Variants in NKAIN3 observed in about 807,000 individuals in gnomAD.
NKAIN3 encodes sodium/potassium transporting ATPase interacting 3.
Under a neutral mutation model 30.2 loss-of-function variants are expected in NKAIN3, and 25 were observed. The ratio of observed to expected loss-of-function variants is 0.83; its 90% confidence interval spans 0.60 to 1.16. The LOEUF (loss-of-function observed/expected upper bound fraction) is 1.16. NKAIN3 is among the 50% of genes most tolerant of loss of function. NKAIN3 has a pLI of 0.00. For synonymous variants in NKAIN3, 91 were observed against 89.6 expected (o/e 1.02, Z -0.09); for missense variants, 225 against 254.1 (o/e 0.89, Z 0.78).
In NKAIN3 at chr8:62,249,039, C is replaced by G. The variant is rs760695550; in HGVS notation, c.-35C>G. ...CAGCAGCGGCGGAGGACGAGGATCT[C>G]TGGCAGTCAGCGCCGCTCGGACGCC... On this transcript the variant is annotated 5_prime_UTR_variant, in exon 1 of 7. Coordinates refer to ENST00000623646, the MANE Select transcript of NKAIN3 (RefSeq NM_001304533.3). 3.9e-6 allele frequency: 6 copies of G among 1,525,504 alleles called. No homozygotes were observed. In the African/African-American group the frequency reaches 5.7e-5, roughly 14 times the overall value. The allele number at this position is 1,525,504 out of a possible 1,614,324, so 94.5% of individuals were successfully genotyped here.
Position 62,448,015 on chromosome 8 carries a change from C to T in NKAIN3, c.55-131524C>T, listed in dbSNP as rs1258744636. Among the ~76,000 whole-genome samples, 4 of 151,972 alleles carry T rather than the reference C, an allele frequency of 2.6e-5. No individual in the cohort carries two copies. The South Asian group carries it at 8.3e-4, about 32-fold the overall frequency. On this transcript the variant is annotated intron_variant, in intron 1 of 6. Transcript: ENST00000623646. ...ACTGCGCCAAAGGAAAGGAAATCAC[C>T]TTGATAAATCAACATAAGGGAGAAA...
intron 1 of NKAIN3, among the ~76,000 whole-genome samples, chr8:62,548,702 C>G (rs1394201320): frequency 8.3e-6 from 1 of 120,552 alleles, no homozygotes; most frequent in Non-Finnish European, 1.8e-5. Context: ...TAAAAAAGAG[C>G]TGGATATAAT....
chr8:62,445,702 C>G (rs187327832), intron 1 of NKAIN3, among the ~76,000 whole-genome samples: 367 of 152,198 alleles, frequency 2.4e-3, no homozygotes, highest in Non-Finnish European at 4.0e-3. Context: ...TGTCCTCACT[C>G]CTTGTTCTCC....
intron 4 of NKAIN3, among the ~76,000 whole-genome samples, chr8:62,821,945 G>A (rs1178017097): frequency 6.7e-6 from 1 of 150,112 alleles, no homozygotes; most frequent in Non-Finnish European, 1.5e-5. Context: ...TGTACTTTTC[G>A]ATGCAATGTT....
At chr8:62,741,358 A>AGAAAGAAGGAAGGAAGGAAGGAAGGAAG (rs1369919798) in intron 3 of NKAIN3, among the ~76,000 whole-genome samples, 1 of 120,938 alleles carries the variant, frequency 8.3e-6, no homozygotes, top group African/African-American at 3.4e-5. Context: ...AGAAAGAGAG[A>AGAAAGAAGGAAGGAAGGAAGGAAGGAAG]GAAAGAAGGA....
At chr8:62,826,540 A>C (rs1163029238) in intron 4 of NKAIN3, among the ~76,000 whole-genome samples, 1 of 152,194 alleles carries the variant, frequency 6.6e-6, no homozygotes, top group Non-Finnish European at 1.5e-5. Context: ...CCCACGTAAA[A>C]TATTTCTATC....
intron 5 of NKAIN3, among the ~76,000 whole-genome samples, chr8:62,932,528 CA>C (rs1182756585): frequency 6.6e-6 from 1 of 152,058 alleles, no homozygotes; most frequent in African/African-American, 2.4e-5. Flanking sequence ...TTTTAGATAC[CA>C]GGGAAAATAA....
In NKAIN3 at chr8:62,411,040, A is replaced by G. The variant is rs77137987; in HGVS notation, c.54+161913A>G. ...GAGGGGCTCCTTCCTAAGTCATTCT[A>G]TGAAGCTAGCATCAGCCTAACACCA... On this transcript the variant is annotated intron_variant, in intron 1 of 6. Coordinates refer to ENST00000623646, the MANE Select transcript of NKAIN3 (RefSeq NM_001304533.3). Among the ~76,000 whole-genome samples, 849 of 152,280 alleles carry G rather than the reference A, an allele frequency of 5.6e-3. 6 individuals are homozygous for G. The highest frequency in any genetic ancestry group is 0.019 in the African/African-American group (802 of 41,558).
intron 4 of NKAIN3, among the ~76,000 whole-genome samples, chr8:62,845,996 T>C (rs1819676344): frequency 6.6e-6 from 1 of 152,192 alleles, no homozygotes; most frequent in African/African-American, 2.4e-5. Flanking sequence ...TTAGAAGATA[T>C]AGAGTGAATT....
chr8:62,697,479 A>T (rs1563520897), intron 3 of NKAIN3, among the ~76,000 whole-genome samples: 1 of 152,124 alleles, frequency 6.6e-6, no homozygotes, highest in African/African-American at 2.4e-5. Flanking sequence ...TTACCCCCTA[A>T]TTAAAATTTC....
At chr8:62,276,789 A>AT (rs916747716) in intron 1 of NKAIN3, among the ~76,000 whole-genome samples, 1 of 152,182 alleles carries the variant, frequency 6.6e-6, no homozygotes, top group Non-Finnish European at 1.5e-5. Context: ...TTGTCAATAC[A>AT]TTTTTTGGTA....
chr8:62,785,782 C>T (rs538845438), intron 4 of NKAIN3, among the ~76,000 whole-genome samples: 2 of 152,182 alleles, frequency 1.3e-5, no homozygotes, highest in South Asian at 4.1e-4. Flanking sequence ...ATACATCACT[C>T]CTCTATTTTC....
At chr8:62,746,541 C>G (rs1032067497) in intron 3 of NKAIN3, among the ~76,000 whole-genome samples, 2 of 152,182 alleles carry the variant, frequency 1.3e-5, no homozygotes, top group African/African-American at 4.8e-5. Context: ...ACAACATCTA[C>G]CATGCCATAA....
At chr8:62,734,421 AC>A (rs1815582461) in intron 3 of NKAIN3, among the ~76,000 whole-genome samples, 1 of 152,174 alleles carries the variant, frequency 6.6e-6, no homozygotes, top group African/African-American at 2.4e-5. Flanking sequence ...GCAAATTTTT[AC>A]TATGGGAAAT....
chr8:62,579,544 A>C lies in NKAIN3; in HGVS notation c.60A>C (p.Ser20=), dbSNP rs1461984034. 5 of 1,602,550 alleles carry C rather than the reference A, an allele frequency of 3.1e-6. No homozygotes were observed. Among genetic ancestry groups the C allele is most frequent in the Non-Finnish European group, 4.3e-6 (5 of 1,175,690 alleles). ...ACTTTCTTTTTTTGTTGTAGGTCTC[A>C]GCATTAGAGAGGCAGATCTTTGACT... ...LICLCALQLV[S]ALERQIFDFL... is the part of the protein sequence containing the mutation. The change falls in exon 2 of 7, where the codon TCA becomes TCC. Residue 20 remains serine (S), a synonymous_variant. Transcript: ENST00000623646.
chr8:62,505,080 G>T (rs74492608), intron 1 of NKAIN3, among the ~76,000 whole-genome samples: 4,751 of 152,224 alleles, frequency 0.031, 287 homozygotes, highest in African/African-American at 0.11. Context: ...GGCAATAAAG[G>T]TAGTAAGAAA....
At chr8:62,420,833 T>C (rs16928877) in intron 1 of NKAIN3, among the ~76,000 whole-genome samples, 1,596 of 152,316 alleles carry the variant, frequency 0.01, 27 homozygotes, top group African/African-American at 0.036. Flanking sequence ...TCAGAAAATT[T>C]AATTGTAGTA....
intron 3 of NKAIN3, among the ~76,000 whole-genome samples, chr8:62,595,218 A>ATT (rs896623794): frequency 3.7e-4 from 56 of 151,952 alleles, no homozygotes; most frequent in African/African-American, 1.1e-3. Context: ...ATGAATAGTT[A>ATT]TTTTTTCTGC....
intron 1 of NKAIN3, among the ~76,000 whole-genome samples, chr8:62,545,382 T>G (rs545671322): frequency 1.3e-5 from 2 of 152,180 alleles, no homozygotes; most frequent in East Asian, 3.9e-4. Context: ...GGCCAGGAGT[T>G]CAAGACCAGC....
Sources: gnomAD v4.1 joint callset for allele counts (sites outside exome capture counted in the v4.1 genomes callset) on GRCh38, gnomAD v4.1.1 for gene constraint, MANE v1.5 for transcripts, NCBI Gene and HGNC (gene_info 2026-07-23, HGNC 2026-07-21) for gene names.